RPA3: variants seen among roughly 807,000 people sequenced by gnomAD.
The protein encoded by RPA3 is replication protein A3.
RPA3 carries 24 observed loss-of-function variants against 13.7 expected under a neutral mutation model. The observed-to-expected ratio is 1.75, with a 90% CI of 1.27 to 2.46. The LOEUF is 2.46. Among genes scored for constraint, RPA3 ranks in the 30% most tolerant of loss-of-function variants. The pLI is 0.00. For synonymous variants in RPA3, 59 were observed against 51.2 expected, an observed-to-expected ratio of 1.15 and a Z score of -0.65; for missense variants, 183 against 151.0, an observed-to-expected ratio of 1.21 and a Z score of -1.11.
At chr7:7,651,423 C>T (rs1313978326) in intron 4 of RPA3, among the ~76,000 whole-genome samples, 1 of 152,172 alleles carries the variant, frequency 6.6e-6, no homozygotes, top group African/African-American at 2.4e-5. Context: ...TGCCTGTTCC[C>T]ATTTAGGGCT....
intron 4 of RPA3, among the ~76,000 whole-genome samples, chr7:7,669,234 A>G (rs926886583): frequency 6.6e-6 from 1 of 152,162 alleles, no homozygotes; most frequent in Admixed American, 6.5e-5. Flanking sequence ...CCCATGGATA[A>G]GGAGGAAACG....
chr7:7,682,336 A>G (rs891036784), intron 4 of RPA3, among the ~76,000 whole-genome samples: 1 of 152,216 alleles, frequency 6.6e-6, no homozygotes, highest in Non-Finnish European at 1.5e-5. Flanking sequence ...ATGATCAGTC[A>G]GATATTGAAA....
intron 5 of RPA3, 103 bp from the exon 6 acceptor site, chr7:7,639,247 G>GA: frequency 4.0e-6 from 3 of 753,940 alleles, no homozygotes; most frequent in South Asian, 2.0e-5. Flanking sequence ...ACTGTTTCTT[G>GA]AACAGTTTAT....
intron 4 of RPA3, among the ~76,000 whole-genome samples, chr7:7,665,591 A>G (rs1473504848): frequency 6.6e-6 from 1 of 152,198 alleles, no homozygotes; most frequent in African/African-American, 2.4e-5. Flanking sequence ...ATGTGTGCTT[A>G]TACTGCTGAA....
intron 4 of RPA3, among the ~76,000 whole-genome samples, chr7:7,661,218 C>T (rs1785466575): frequency 6.6e-6 from 1 of 152,160 alleles, no homozygotes; most frequent in African/African-American, 2.4e-5. Context: ...ATTCATCTAA[C>T]CTTTTTTTCC....
At chr7:7,694,001 C>T (rs1240217303) in intron 2 of RPA3, among the ~76,000 whole-genome samples, 1 of 152,028 alleles carries the variant, frequency 6.6e-6, no homozygotes, top group African/African-American at 2.4e-5. Flanking sequence ...AATACTAATG[C>T]TTTGTTGATA....
intron 1 of RPA3, among the ~76,000 whole-genome samples, chr7:7,717,369 C>G (rs1780942423): frequency 6.6e-6 from 1 of 152,118 alleles, no homozygotes; most frequent in Admixed American, 6.5e-5. Context: ...CTGTTTCTTT[C>G]ATCTATTAAA....
At chr7:7,710,894 A>G (rs1348429805) in intron 2 of RPA3, among the ~76,000 whole-genome samples, 6 of 152,228 alleles carry the variant, frequency 3.9e-5, no homozygotes, top group South Asian at 2.1e-4. Flanking sequence ...AACAACCTGG[A>G]TGAATCTCCA....
intron 4 of RPA3, among the ~76,000 whole-genome samples, chr7:7,667,151 C>T (rs1006801061): frequency 1.3e-5 from 2 of 152,174 alleles, no homozygotes; most frequent in Non-Finnish European, 2.9e-5. Context: ...GAGGTAGCTC[C>T]AGGATCCCTG....
chr7:7,689,094 C>A (rs1195617043), intron 2 of RPA3, among the ~76,000 whole-genome samples: 1 of 152,058 alleles, frequency 6.6e-6, no homozygotes, highest in African/African-American at 2.4e-5. Flanking sequence ...AACCTTATTC[C>A]CAGCCCCAGA....
chr7:7,656,308 A>T (rs536164924), intron 4 of RPA3, among the ~76,000 whole-genome samples: 12 of 150,122 alleles, frequency 8.0e-5, no homozygotes, highest in African/African-American at 2.5e-4. Context: ...TCATGTATTT[A>T]AAAAAATTTT....
intron 5 of RPA3, 97 bp downstream of exon 5, chr7:7,640,223 A>C: frequency 7.7e-7 from 1 of 1,302,576 alleles, no homozygotes. Context: ...GGGCGCAGTG[A>C]TCGGAGGCTT....
chr7:7,688,738 T>C (rs1780098363), intron 2 of RPA3, among the ~76,000 whole-genome samples: 1 of 152,230 alleles, frequency 6.6e-6, no homozygotes, highest in Non-Finnish European at 1.5e-5. Flanking sequence ...AATTATGTTG[T>C]AACCTCCTAA....
At chr7:7,652,621 T>G (rs1012937736) in intron 4 of RPA3, among the ~76,000 whole-genome samples, 1 of 152,186 alleles carries the variant, frequency 6.6e-6, no homozygotes, top group Non-Finnish European at 1.5e-5. Context: ...AGGCAGGAAG[T>G]AGATTGGTTA....
At chr7:7,696,804 C>T (rs1183297446) in intron 2 of RPA3, among the ~76,000 whole-genome samples, 1 of 152,152 alleles carries the variant, frequency 6.6e-6, no homozygotes, top group African/African-American at 2.4e-5. Context: ...TGAAACCACA[C>T]TAACATGTAG....
At chr7:7,712,084 A>C (rs541407545) in intron 2 of RPA3, among the ~76,000 whole-genome samples, 2 of 152,054 alleles carry the variant, frequency 1.3e-5, no homozygotes, top group Admixed American at 1.3e-4. Context: ...TTATGAGGCT[A>C]TTTTTCTCTC....
chr7:7,718,039 A>G (rs1780960732), intron 1 of RPA3, among the ~76,000 whole-genome samples: 1 of 152,174 alleles, frequency 6.6e-6, no homozygotes. Context: ...ATGATTTTTA[A>G]TTTTAGCAGT....
chr7:7,663,855 C>G (rs1779364101), intron 4 of RPA3, among the ~76,000 whole-genome samples: 1 of 152,148 alleles, frequency 6.6e-6, no homozygotes, highest in Non-Finnish European at 1.5e-5. Context: ...TCTCCTATTC[C>G]TACAGATTTA....
rs551320262 is a variant in RPA3, at chr7:7,704,898, A to G, written c.-1028+10277T>C. ...GATGTGTTTTATTTGGGTAAAGTAA[A>G]ATAGGCCTAGAAGATGGGCAGATTC... On this transcript the variant is annotated intron_variant, in intron 2 of 7. Coordinates refer to ENST00000223129, the MANE Select transcript of RPA3 (RefSeq NM_002947.5). Among the ~76,000 whole-genome samples the G allele has an allele frequency of 6.6e-5, 10 of 152,306 alleles. 1 individual carries two copies. Among genetic ancestry groups the G allele is most frequent in the African/African-American group, 2.4e-4 (10 of 41,578 alleles).
Sources: gnomAD v4.1 joint callset for allele counts (sites outside exome capture counted in the v4.1 genomes callset) on GRCh38, gnomAD v4.1.1 for gene constraint, MANE v1.5 for transcripts, NCBI Gene and HGNC (gene_info 2026-07-23, HGNC 2026-07-21) for gene names.